CCDC171: variants seen among roughly 807,000 people sequenced by gnomAD.
CCDC171 encodes the protein coiled-coil domain containing 171.
In CCDC171, 177 loss-of-function variants were observed where a neutral mutation model predicts 168.2. The ratio of observed to expected loss-of-function variants is 1.05; its 90% CI spans 0.93 to 1.19. The LOEUF is 1.19. CCDC171 is among the 50% of genes most tolerant of loss of function. The probability of loss-of-function intolerance (pLI) is 0.00; values close to 1 mark genes in which losing one functional copy is unlikely to be tolerated. For missense variants in CCDC171, 1,991 were observed against 1,539.0 expected, an observed-to-expected ratio of 1.29 and a Z score of -4.91; for synonymous variants, 687 against 540.8, an observed-to-expected ratio of 1.27 and a Z score of -3.75.
At chr9:15,986,588 C>A (rs1831997950) in intron 3 of CCDC171, among the ~76,000 whole-genome samples, 1 of 151,762 alleles carries the variant, frequency 6.6e-6, no homozygotes, top group Non-Finnish European at 1.5e-5. Context: ...AAGAGGGCAA[C>A]AAAACCCCAG....
chr9:15,723,671 T>C lies in CCDC171; in HGVS notation c.1426-10T>C, dbSNP rs781734897. ...TCTTTCATCAGCTAAACAGCATGAA[T>C]GATGTTAAGGAAAAGGCATGTAATG... is the stretch of plus-strand genomic sequence containing the variant. On this transcript the variant is annotated splice_polypyrimidine_tract_variant and intron_variant, in intron 12 of 25. Coordinates refer to ENST00000380701, the MANE Select transcript of CCDC171 (RefSeq NM_173550.4). 8 of 1,586,782 alleles carry C rather than the reference T, an allele frequency of 5.0e-6. No individual in the cohort carries two copies. Among genetic ancestry groups the C allele is most frequent in the African/African-American group, 1.4e-5 (1 of 73,744 alleles).
intron 23 of CCDC171, among the ~76,000 whole-genome samples, chr9:15,860,544 A>G (rs889707558): frequency 4.6e-5 from 7 of 151,632 alleles, no homozygotes; most frequent in Admixed American, 2.6e-4. Flanking sequence ...ATTTATTTCT[A>G]TATATTGTGA....
chr9:15,611,466 C>CT (rs900612245), intron 6 of CCDC171, among the ~76,000 whole-genome samples: 1 of 152,116 alleles, frequency 6.6e-6, no homozygotes, highest in Admixed American at 6.6e-5. Flanking sequence ...CTTACGATGT[C>CT]TTTTTTCTTG....
intron 23 of CCDC171, among the ~76,000 whole-genome samples, chr9:15,872,365 A>C (rs549632434): frequency 6.6e-6 from 1 of 152,204 alleles, no homozygotes; most frequent in East Asian, 1.9e-4. Flanking sequence ...TATTTAGAGA[A>C]TATAAAATGT....
In CCDC171 at chr9:15,992,826, A is replaced by G. The variant is rs535575235; in HGVS notation, n.369-27763A>G. ...CGGACAAACAGAGAGCCAAATCATG[A>G]GTGAACTCCCATTCACAATTGCTTC... On this transcript the variant is annotated intron_variant and non_coding_transcript_variant, in intron 3 of 9. Transcript: ENST00000486641. 1.4e-3 allele frequency among the ~76,000 whole-genome samples: 206 copies of G among 152,318 alleles called. 9 individuals are homozygous for G. The South Asian group carries it at 0.041, about 30-fold the overall frequency.
intron 21 of CCDC171, among the ~76,000 whole-genome samples, chr9:15,814,791 C>A (rs977050379): frequency 6.6e-6 from 1 of 152,058 alleles, no homozygotes; most frequent in African/African-American, 2.4e-5. Flanking sequence ...AAAAACAAAT[C>A]TTCATCATGC....
chr9:15,624,247 T>C (rs542142212), intron 7 of CCDC171, among the ~76,000 whole-genome samples: 2 of 152,272 alleles, frequency 1.3e-5, no homozygotes, highest in African/African-American at 4.8e-5. Flanking sequence ...TTTGAAATTA[T>C]TGACACTAGT....
chr9:16,033,685 T>G (rs1420031044), intron 6 of CCDC171, among the ~76,000 whole-genome samples: 4 of 137,924 alleles, frequency 2.9e-5, no homozygotes, highest in South Asian at 2.5e-4. Context: ...ACCATCCCCC[T>G]ACCCCCCACC....
At chr9:15,612,305 G>A (rs2043757092) in intron 6 of CCDC171, among the ~76,000 whole-genome samples, 1 of 152,134 alleles carries the variant, frequency 6.6e-6, no homozygotes, top group Non-Finnish European at 1.5e-5. Context: ...TGAAACCTAA[G>A]TCATTATCAC....
intron 6 of CCDC171, among the ~76,000 whole-genome samples, chr9:16,023,523 C>G (rs967248730): frequency 6.6e-6 from 1 of 152,154 alleles, no homozygotes. Flanking sequence ...TGAGGCAGCA[C>G]CACCTCTTGC....
intron 7 of CCDC171, among the ~76,000 whole-genome samples, chr9:15,645,090 T>C (rs2046932598): frequency 6.6e-6 from 1 of 152,184 alleles, no homozygotes; most frequent in Non-Finnish European, 1.5e-5. Context: ...TCAGCAATAT[T>C]TGCTGTTCTG....
In CCDC171 at chr9:15,678,842, G is replaced by A; in HGVS notation, c.1161G>A (p.Lys387=). ...AGAAAGTAATTATAGACCTTTCAAA[G>A]AGACTCCAGTATAATGAAAAAAGTT... is the stretch of plus-strand genomic sequence containing the variant. ...EQKKVIIDLS[K]RLQYNEKSCS... Residue 387 remains lysine, a synonymous_variant, in exon 10 of 26, where the codon AAG becomes AAA. Transcript: ENST00000380701. The A allele has an allele frequency of 6.3e-7, 1 of 1,598,166 alleles. No homozygotes were observed. Among genetic ancestry groups the A allele is most frequent in the Non-Finnish European group, 8.5e-7 (1 of 1,173,262 alleles).
intron 1 of CCDC171, among the ~76,000 whole-genome samples, chr9:15,557,971 C>T (rs2038950688): frequency 6.6e-6 from 1 of 152,044 alleles, no homozygotes; most frequent in East Asian, 1.9e-4. Flanking sequence ...TTGTCAAAGG[C>T]CTTTTCTGCA....
downstream of CCDC171, among the ~76,000 whole-genome samples, chr9:16,062,181 C>CA (rs891739324): frequency 6.6e-5 from 10 of 151,600 alleles, no homozygotes; most frequent in South Asian, 2.1e-4. Flanking sequence ...GGAAAACAAA[C>CA]AAAAAAACAA....
At chr9:15,840,963 CAGTT>C (rs1029999191) in intron 21 of CCDC171, among the ~76,000 whole-genome samples, 7 of 151,934 alleles carry the variant, frequency 4.6e-5, no homozygotes, top group East Asian at 1.9e-4. Flanking sequence ...TGATCACTTT[CAGTT>C]AGTTTACTGG....
intron 21 of CCDC171, among the ~76,000 whole-genome samples, chr9:15,800,840 A>G (rs527294873): frequency 6.6e-6 from 1 of 150,754 alleles, no homozygotes; most frequent in African/African-American, 2.4e-5. Context: ...TGGATGTTCA[A>G]TTTTCCCTAC....
At chr9:16,041,090 A>G (rs1833564452), upstream of CCDC171, among the ~76,000 whole-genome samples, 1 of 152,208 alleles carries the variant, frequency 6.6e-6, no homozygotes, top group Non-Finnish European at 1.5e-5. Flanking sequence ...ATGACAAGGA[A>G]AGATGTTTAA....
chr9:15,583,991 C>T (rs1258234920), intron 4 of CCDC171, among the ~76,000 whole-genome samples: 3 of 152,098 alleles, frequency 2.0e-5, no homozygotes, highest in Non-Finnish European at 4.4e-5. Context: ...CTCAGCCTCC[C>T]GAGTGGCTGG....
At chr9:15,878,055 T>G (rs1040719377) in intron 24 of CCDC171, among the ~76,000 whole-genome samples, 1 of 152,110 alleles carries the variant, frequency 6.6e-6, no homozygotes, top group African/African-American at 2.4e-5. Context: ...AATACCATTC[T>G]GGACATAGGA....
Sources: allele counts gnomAD v4.1 joint callset (sites outside exome capture counted in the v4.1 genomes callset), GRCh38; gene constraint gnomAD v4.1.1; transcripts MANE v1.5; gene names NCBI Gene and HGNC (gene_info 2026-07-23, HGNC 2026-07-21).